Variants in PIGW observed in about 807,000 individuals in gnomAD.
PIGW encodes the protein glucosaminyl-phosphatidylinositol-acyltransferase PIGW.
A neutral mutation model predicts 34.0 loss-of-function variants in PIGW; 23 were observed. The ratio of observed to expected loss-of-function variants is 0.68; its 90% CI spans 0.49 to 0.96. The LOEUF is 0.96. Ranked by LOEUF, PIGW falls within the 40% of genes least tolerant of loss-of-function variation. The probability of loss-of-function intolerance (pLI) is 0.00; values close to 1 mark genes in which losing one functional copy is unlikely to be tolerated. For synonymous variants in PIGW, 225 were observed against 225.2 expected (o/e 1.00, Z 0.01); for missense variants, 574 against 586.3 (o/e 0.98, Z 0.22).
chr17:36,536,767 G>A (rs936082570), intron 1 of PIGW, among the ~76,000 whole-genome samples: 7 of 151,998 alleles, frequency 4.6e-5, no homozygotes, highest in Non-Finnish European at 7.4e-5. Flanking sequence ...CTCCCACCTC[G>A]GCCTCCCGAA....
At position 36,537,356 on chromosome 17, in the gene PIGW, T is replaced by C; in HGVS notation, c.255T>C (p.Gly85=). 1 of 1,613,966 alleles carries C rather than the reference T, an allele frequency of 6.2e-7. No homozygotes were observed. The highest frequency in any genetic ancestry group is 8.5e-7 in the Non-Finnish European group (1 of 1,180,034). Residue 85 remains glycine (G), a synonymous_variant, in exon 2 of 2, where the codon GGT becomes GGC. Transcript: ENST00000614443. ...CATTTATCCTCCTTGAGCTTCTCGG[T>C]GTAATTATCTTTGGGGCAGGGCTGT... ...WASFILLELL[G]VIIFGAGLLY...
At chr17:36,536,994 G>C (rs1412135952) in intron 1 of PIGW, 100 bp from the exon 2 acceptor site, 1 of 1,036,298 alleles carries the variant, frequency 9.6e-7, no homozygotes, top group East Asian at 2.5e-5. Flanking sequence ...CCAAAGTTCT[G>C]CTCTGAAATC....
Position 36,538,399 on chromosome 17 carries a change from G to T in PIGW, c.1298G>T (p.Arg433Ile), listed in dbSNP as rs1430307615. The T allele has an allele frequency of 2.5e-6, 4 of 1,614,130 alleles. No homozygotes were observed. The highest frequency in any genetic ancestry group is 3.4e-6 in the Non-Finnish European group (4 of 1,180,024). Residue 433 changes from arginine to isoleucine, a missense_variant, in exon 2 of 2, where the codon AGA (arginine) becomes ATA (isoleucine). Physicochemically the swap from Arg to Ile is moderately conservative, Grantham distance 97. Transcript: ENST00000614443. ...HSESLVPEAE[R>I]MEPSLCLITA... is the part of the protein sequence containing the mutation. ...GAATCTCTAGTCCCTGAAGCCGAAA[G>T]AATGGAACCCAGTCTTTGTTTAATC...
Position 36,538,487 on chromosome 17 carries a change from C to G in PIGW, c.1386C>G (p.Ile462Met), listed in dbSNP as rs575119800. ...TGTCAAATATAACAACTGGCCTGAT[C>G]AACCTGATGGTAGATACATTACACA... is the stretch of plus-strand genomic sequence containing the variant. The part of the protein sequence containing the change: ...FLLSNITTGL[I>M]NLMVDTLHSS... Residue 462 changes from isoleucine (I) to methionine (M), a missense_variant, in exon 2 of 2, where the codon ATC (isoleucine) becomes ATG (methionine). Coordinates refer to ENST00000614443, the MANE Select transcript of PIGW (RefSeq NM_001346754.2). 3.1e-6 allele frequency: 5 copies of G among 1,614,100 alleles called. No individual in the cohort carries two copies. The highest frequency in any genetic ancestry group is 4.5e-5 in the East Asian group (2 of 44,874).
chr17:36,535,877 C>G (rs547386342), intron 1 of PIGW, among the ~76,000 whole-genome samples: 1 of 151,596 alleles, frequency 6.6e-6, no homozygotes, highest in Non-Finnish European at 1.5e-5. Flanking sequence ...CCTCCCAAAG[C>G]GCTAGGATTG....
chr17:36,536,978 T>TA, intron 1 of PIGW, 116 bp from the exon 2 acceptor site: 2 of 852,292 alleles, frequency 2.3e-6, no homozygotes, highest in Non-Finnish European at 3.6e-6. Flanking sequence ...GTGAACTCAT[T>TA]AGGGCCCAAA....
intron 1 of PIGW, among the ~76,000 whole-genome samples, chr17:36,536,597 C>T (rs1337805691): frequency 6.8e-6 from 1 of 145,998 alleles, no homozygotes; most frequent in South Asian, 2.2e-4. Context: ...TCACTCCAAC[C>T]TCTGCTTCCC....
chr17:36,537,707 A>T lies in PIGW; in HGVS notation c.606A>T (p.Ser202=), dbSNP rs778645579. The T allele has an allele frequency of 6.2e-7, 1 of 1,614,166 alleles. No homozygotes were observed. Among genetic ancestry groups the T allele is most frequent in the South Asian group, 1.1e-5 (1 of 91,080 alleles). Residue 202 remains serine, a synonymous_variant, in exon 2 of 2, where the codon TCA becomes TCT. Coordinates refer to ENST00000614443, the MANE Select transcript of PIGW (RefSeq NM_001346754.2). ...CCAAATTGCATTACTTTACAAACTC[A>T]TTGTACTCTGTTTGGCCATTAGTCT... ...EGSKLHYFTN[S]LYSVWPLVFL... is the part of the protein sequence containing the mutation.
Position 36,535,552 on chromosome 17 carries a change from C to T in PIGW, c.-49C>T, listed in dbSNP as rs1345105791. The T allele has an allele frequency of 6.6e-6, 1 of 152,242 alleles. No individual in the cohort carries two copies. Among genetic ancestry groups the T allele is most frequent in the Non-Finnish European group, 1.5e-5 (1 of 68,050 alleles). 9.4% of individuals were successfully genotyped at this position (152,242 alleles called of 1,614,324 possible). On this transcript the variant is annotated 5_prime_UTR_variant, in exon 1 of 2. Transcript: ENST00000614443. Reference sequence around the variant, plus strand: ...GTGCAGCGGCAGTCCGGCTGCCCTTCCCACGTAGACCGTCTGCTGGGGGCG... The same window carrying T: ...GTGCAGCGGCAGTCCGGCTGCCCTTTCCACGTAGACCGTCTGCTGGGGGCG...
rs967859235 is a variant in PIGW at position 36,535,233 on chromosome 17, C to G, written c.-368C>G. 3.3e-5 allele frequency: 5 copies of G among 151,960 alleles called. No homozygotes were observed. The highest frequency in any genetic ancestry group is 1.2e-4 in the African/African-American group (5 of 41,428). The allele number at this position is 151,960 out of a possible 1,614,324, so 9.4% of individuals were successfully genotyped here. A position where few individuals can be genotyped will look rare whatever the true frequency, so the allele number is the denominator to read the frequency against. ...GAGTGCGGCGGAGTGTTGTGCGAGG[C>G]CGGCGGACACCATTACCCTGATAGG... is the stretch of plus-strand genomic sequence containing the variant. On this transcript the variant is annotated 5_prime_UTR_variant, in exon 1 of 2. Coordinates refer to ENST00000614443, the MANE Select transcript of PIGW (RefSeq NM_001346754.2).
chr17:36,538,016 A>C lies in PIGW; in HGVS notation c.915A>C (p.Gly305=). 1.2e-6 allele frequency: 2 copies of C among 1,614,106 alleles called. No homozygotes were observed. The highest frequency in any genetic ancestry group is 2.2e-5 in the South Asian group (2 of 91,088). The change falls in exon 2 of 2, where the codon GGA becomes GGC. Residue 305 remains glycine (G), a synonymous_variant. Coordinates refer to ENST00000614443, the MANE Select transcript of PIGW (RefSeq NM_001346754.2). ...GTCTATTAAATGCCAACCGCGAAGGAATAATCTCTACCCTGGGGTATGTGG... is the reference window on the plus strand; with the variant it reads ...GTCTATTAAATGCCAACCGCGAAGGCATAATCTCTACCCTGGGGTATGTGG... ...RVGLLNANRE[G]IISTLGYVAI...
Position 36,537,790 on chromosome 17 carries a change from CAG to C in PIGW, c.692_693del (p.Glu231ValfsTer29), listed in dbSNP as rs761626111. On this transcript the variant is annotated frameshift_variant, in exon 2 of 2. Coordinates refer to ENST00000614443, the MANE Select transcript of PIGW (RefSeq NM_001346754.2). LOFTEE classifies it high-confidence loss of function. Reference sequence around the variant, plus strand: ...TCAATAGGCTATCAGGAACATTTAACAGAGTATGGAGTTCACTGGAACTTTTT... The same window carrying C: ...TCAATAGGCTATCAGGAACATTTAACAGTATGGAGTTCACTGGAACTTTTT... 3 of 1,614,138 alleles carry C rather than the reference CAG, an allele frequency of 1.9e-6. No individual in the cohort carries two copies. The highest frequency in any genetic ancestry group is 2.2e-5 in the South Asian group (2 of 91,078).
intron 1 of PIGW, among the ~76,000 whole-genome samples, chr17:36,536,051 G>A (rs2074111388): frequency 6.6e-6 from 1 of 152,164 alleles, no homozygotes; most frequent in Non-Finnish European, 1.5e-5. Flanking sequence ...CTAGGTTCAT[G>A]TTTAACCAAC....
chr17:36,535,576 C>A lies in PIGW; in HGVS notation c.-25C>A, dbSNP rs2074091479. The A allele has an allele frequency of 6.6e-6, 1 of 152,338 alleles. No homozygotes were observed. Among genetic ancestry groups the A allele is most frequent in the Middle Eastern group, 3.4e-3 (1 of 294 alleles). 9.4% of individuals were successfully genotyped at this position (152,338 alleles called of 1,614,324 possible). A position where few individuals can be genotyped will look rare whatever the true frequency, so the allele number is the denominator to read the frequency against. On this transcript the variant is annotated 5_prime_UTR_variant, in exon 1 of 2. Transcript: ENST00000614443. ...TCCCACGTAGACCGTCTGCTGGGGG[C>A]GCCGGCACCATTTGGAGTACGTGAG...
At position 36,538,112 on chromosome 17, in the gene PIGW, A is replaced by G. The variant is rs768426804; in HGVS notation, c.1011A>G (p.Ile337Met). The G allele has an allele frequency of 1.2e-6, 2 of 1,614,216 alleles. No individual in the cohort carries two copies. The highest frequency in any genetic ancestry group is 1.7e-6 in the Non-Finnish European group (2 of 1,180,042). Residue 337 changes from isoleucine (I) to methionine (M), a missense_variant, in exon 2 of 2, where the codon ATA becomes ATG. By Grantham distance (10) the Ile-to-Met change is conservative. Coordinates refer to ENST00000614443, the MANE Select transcript of PIGW (RefSeq NM_001346754.2). ...HKNRSHIKDL[I>M]KVACFLLLAA... ...ACCGATCACATATCAAAGACTTGAT[A>G]AAAGTAGCCTGTTTTCTTTTACTGG...
intron 1 of PIGW, among the ~76,000 whole-genome samples, chr17:36,536,214 A>C (rs551644291): frequency 2.0e-5 from 3 of 152,298 alleles, no homozygotes; most frequent in African/African-American, 7.2e-5. Flanking sequence ...CTAACCTGAA[A>C]ACATAGCTGT....
rs937582270 is a variant in PIGW, at chr17:36,535,159, C to T, written c.-442C>T. On this transcript the variant is annotated 5_prime_UTR_variant, in exon 1 of 2. Coordinates refer to ENST00000614443, the MANE Select transcript of PIGW (RefSeq NM_001346754.2). ...CGGTTTCCTGGGCCTTCGGGCGACA[C>T]CAGGACTGGGGGTCTTTCAGTAGAG... 16 of 152,230 alleles carry T rather than the reference C, an allele frequency of 1.1e-4. No homozygotes were observed. Among genetic ancestry groups the T allele is most frequent in the African/African-American group, 3.9e-4 (16 of 41,350 alleles). The allele number at this position is 152,230 out of a possible 1,614,324, so 9.4% of individuals were successfully genotyped here. A position where few individuals can be genotyped will look rare whatever the true frequency, so the allele number is the denominator to read the frequency against.
rs1257197911 is a variant in PIGW, at chr17:36,537,285, G to C, written c.184G>C (p.Val62Leu). The change falls in exon 2 of 2, where the codon GTT becomes CTT. Residue 62 changes from valine to leucine, a missense_variant. Coordinates refer to ENST00000614443, the MANE Select transcript of PIGW (RefSeq NM_001346754.2). ...GAAAACTAGATTCCTCACTGACTTT[G>C]TTGTCCTAATAGTTCCCATGGTAGC... ...TWKTRFLTDFVVLIVPMVATL... is the reference protein window; with the variant it reads ...TWKTRFLTDFLVLIVPMVATL... 6.2e-7 allele frequency: 1 copy of C among 1,613,582 alleles called. No individual in the cohort carries two copies. Among genetic ancestry groups the C allele is most frequent in the African/African-American group, 1.3e-5 (1 of 74,760 alleles).
At chr17:36,536,013 T>TA (rs1173843269) in intron 1 of PIGW, among the ~76,000 whole-genome samples, 2 of 152,198 alleles carry the variant, frequency 1.3e-5, no homozygotes, top group Admixed American at 6.5e-5. Flanking sequence ...TTCACTTACT[T>TA]ATTCAGCTCA....
Sources: gnomAD v4.1 joint callset for allele counts (sites outside exome capture counted in the v4.1 genomes callset) on GRCh38, gnomAD v4.1.1 for gene constraint, MANE v1.5 for transcripts, NCBI Gene and HGNC (gene_info 2026-07-23, HGNC 2026-07-21) for gene names.